TRPS1: variants seen among roughly 807,000 people sequenced by gnomAD.
The protein encoded by TRPS1 is transcriptional repressor GATA binding 1.
TRPS1 carries 6 observed loss-of-function variants against 101.2 expected under a neutral mutation model. That is an observed-to-expected ratio of 0.06 (90% confidence interval 0.03 to 0.12). The LOEUF (loss-of-function observed/expected upper bound fraction) is 0.12, where lower values mean the gene tolerates loss of function less well. Ranked by LOEUF, TRPS1 falls within the 10% of genes least tolerant of loss-of-function variation. The pLI is 1.00. For synonymous variants in TRPS1, 578 were observed against 589.8 expected, an observed-to-expected ratio of 0.98 and a Z score of 0.29; for missense variants, 1,363 against 1,567.0, an observed-to-expected ratio of 0.87 and a Z score of 2.20.
At chr8:115,468,885 A>G (rs1253377498) in intron 5 of TRPS1, among the ~76,000 whole-genome samples, 1 of 152,094 alleles carries the variant, frequency 6.6e-6, no homozygotes, top group Non-Finnish European at 1.5e-5. Context: ...CACTCCTGTA[A>G]TCCCCACACT....
chr8:115,646,638 A>G (rs1390687874), intron 1 of TRPS1, among the ~76,000 whole-genome samples: 1 of 152,304 alleles, frequency 6.6e-6, no homozygotes, highest in East Asian at 1.9e-4. Context: ...GTGGACCTAA[A>G]GTCTTTATTA....
At chr8:115,493,428 C>T (rs1452645216) in intron 5 of TRPS1, among the ~76,000 whole-genome samples, 2 of 152,136 alleles carry the variant, frequency 1.3e-5, no homozygotes, top group African/African-American at 4.8e-5. Context: ...TGGCTCACTG[C>T]GACTTCTGCC....
rs1003730745 is a variant in TRPS1 at position 115,412,545 on chromosome 8, T to C, written c.*1478A>G. On this transcript the variant is annotated 3_prime_UTR_variant, in exon 7 of 7. Transcript: ENST00000395715. ...CATTAATATTTACTAGAAAAATAAG[T>C]TTTTTTTTTCCTATTTGTTCTCCCA... 6.7e-6 allele frequency: 1 copy of C among 150,368 alleles called. No individual in the cohort carries two copies. The highest frequency in any genetic ancestry group is 2.5e-5 in the African/African-American group (1 of 40,806). The allele number at this position is 150,368 out of a possible 1,614,324, so 9.3% of individuals were successfully genotyped here.
At chr8:115,528,329 T>TA (rs1816050482) in intron 5 of TRPS1, among the ~76,000 whole-genome samples, 1 of 152,154 alleles carries the variant, frequency 6.6e-6, no homozygotes, top group Middle Eastern at 3.4e-3. Flanking sequence ...ACTGAGCACT[T>TA]AAGAGTCACA....
chr8:115,418,390 T>C lies in TRPS1; in HGVS notation c.2763A>G (p.Arg921=), dbSNP rs764018337. The change falls in exon 6 of 7, where the codon CGA becomes CGG. Residue 921 remains arginine, a synonymous_variant. Coordinates refer to ENST00000395715, the MANE Select transcript of TRPS1 (RefSeq NM_014112.5). This position sits in a 1 kb window ranked among gnomAD's most constrained non-coding sequence, Gnocchi z 4.3. ...ATACATATCCGCCATTTGCATTCTT[T>C]CGCCAGAGAGAGGTCTTTGTGGTCA... The part of the protein sequence containing the change: ...NCLTTKTSLW[R]KNANGGYVCN... 1.2e-6 allele frequency: 2 copies of C among 1,614,170 alleles called. No individual in the cohort carries two copies. The highest frequency in any genetic ancestry group is 3.3e-5 in the Admixed American group (2 of 60,024).
At chr8:115,621,250 T>C (rs1818386466) in intron 2 of TRPS1, among the ~76,000 whole-genome samples, 1 of 152,230 alleles carries the variant, frequency 6.6e-6, no homozygotes, top group Non-Finnish European at 1.5e-5. Context: ...TGTCGAGTGC[T>C]GTGTAAGTCA....
At chr8:115,470,018 T>G (rs1814426879) in intron 5 of TRPS1, among the ~76,000 whole-genome samples, 2 of 152,210 alleles carry the variant, frequency 1.3e-5, no homozygotes, top group South Asian at 2.1e-4. Context: ...CTTGACTATC[T>G]CTATGATTGG....
At chr8:115,431,747 C>T (rs1200934108) in intron 5 of TRPS1, among the ~76,000 whole-genome samples, 1 of 151,804 alleles carries the variant, frequency 6.6e-6, no homozygotes, top group Admixed American at 6.6e-5. Flanking sequence ...ATTACACGCA[C>T]AAAATATAAA....
chr8:115,516,809 T>A (rs1170443670), intron 5 of TRPS1, among the ~76,000 whole-genome samples: 1 of 151,586 alleles, frequency 6.6e-6, no homozygotes, highest in Non-Finnish European at 1.5e-5. Flanking sequence ...AAAACACCGT[T>A]AAGCTTAATC....
At chr8:115,570,669 C>CA (rs997181236) in intron 5 of TRPS1, among the ~76,000 whole-genome samples, 41 of 125,956 alleles carry the variant, frequency 3.3e-4, no homozygotes, top group South Asian at 5.5e-4. Context: ...GGAAAAACCT[C>CA]AAAAAAAACA....
intron 3 of TRPS1, among the ~76,000 whole-genome samples, chr8:115,618,007 A>G (rs904495314): frequency 2.0e-5 from 3 of 152,202 alleles, no homozygotes; most frequent in African/African-American, 7.2e-5. Context: ...GTATTGCAAA[A>G]TATGTTCACT....
chr8:115,655,765 A>G (rs777319391), intron 1 of TRPS1, among the ~76,000 whole-genome samples: 3 of 152,178 alleles, frequency 2.0e-5, no homozygotes, highest in Non-Finnish European at 4.4e-5. Flanking sequence ...AGAGGCTTTG[A>G]ATTAAATCTA....
intron 1 of TRPS1, among the ~76,000 whole-genome samples, chr8:115,644,403 C>A (rs1818968854): frequency 6.6e-6 from 1 of 152,178 alleles, no homozygotes. Context: ...ATGAACCAAC[C>A]TCTGCTAGCT....
chr8:115,576,880 G>A (rs75395928), intron 5 of TRPS1, among the ~76,000 whole-genome samples: 2,093 of 152,168 alleles, frequency 0.014, 35 homozygotes, highest in African/African-American at 0.048. Flanking sequence ...AGTATTAGCT[G>A]GATAATAAAT....
intron 5 of TRPS1, among the ~76,000 whole-genome samples, chr8:115,565,341 C>T (rs1208552800): frequency 6.6e-6 from 1 of 152,030 alleles, no homozygotes; most frequent in Non-Finnish European, 1.5e-5. Context: ...AACTGTGTAT[C>T]CCATTGGTAA....
At chr8:115,663,994 T>C (rs920205852) in intron 1 of TRPS1, among the ~76,000 whole-genome samples, 7 of 152,092 alleles carry the variant, frequency 4.6e-5, no homozygotes, top group Non-Finnish European at 8.8e-5. Flanking sequence ...AACTGAGCAC[T>C]GTGATAGCTC....
At chr8:115,649,646 C>G (rs1368510785) in intron 1 of TRPS1, among the ~76,000 whole-genome samples, 1 of 152,306 alleles carries the variant, frequency 6.6e-6, no homozygotes, top group East Asian at 1.9e-4. Flanking sequence ...CCTGAGGTTG[C>G]ACTCACTTTT....
chr8:115,444,690 TTG>T (rs946991538), intron 5 of TRPS1, among the ~76,000 whole-genome samples: 15 of 152,192 alleles, frequency 9.9e-5, no homozygotes, highest in South Asian at 2.1e-4. Flanking sequence ...ATAAAATGAA[TTG>T]TGTCTCATCA....
chr8:115,494,951 G>A (rs921428942), intron 5 of TRPS1, among the ~76,000 whole-genome samples: 2 of 152,164 alleles, frequency 1.3e-5, no homozygotes, highest in Non-Finnish European at 2.9e-5. Context: ...CCTGCTCAGA[G>A]TTGGCATGTT....
Sources: allele counts gnomAD v4.1 joint callset (sites outside exome capture counted in the v4.1 genomes callset), GRCh38; gene constraint gnomAD v4.1.1; non-coding constraint Gnocchi (gnomAD v3.1); transcripts MANE v1.5; gene names NCBI Gene and HGNC (gene_info 2026-07-23, HGNC 2026-07-21).